The following LUZP2 variants were observed in gnomAD, a reference collection of about 807,000 sequenced individuals.
The protein encoded by LUZP2 is leucine zipper protein 2.
Under a neutral mutation model 51.6 loss-of-function variants are expected in LUZP2, and 52 were observed. That is an observed-to-expected ratio of 1.01 (90% CI 0.81 to 1.27). The LOEUF (loss-of-function observed/expected upper bound fraction) is 1.27. Ranked by LOEUF, LUZP2 falls within the 50% of genes most tolerant of loss-of-function variation. The pLI is 0.00. For synonymous variants in LUZP2, 154 were observed against 137.3 expected (o/e 1.12, Z -0.85); for missense variants, 436 against 395.4 (o/e 1.10, Z -0.87).
intron 1 of LUZP2, among the ~76,000 whole-genome samples, chr11:24,594,105 A>AC (rs1853348199): frequency 6.6e-6 from 1 of 152,242 alleles, no homozygotes; most frequent in South Asian, 2.1e-4. Flanking sequence ...TGGATTAAAA[A>AC]ATACATTTTA....
intron 9 of LUZP2, among the ~76,000 whole-genome samples, chr11:25,007,719 C>T (rs1280682568): frequency 2.0e-5 from 3 of 152,174 alleles, no homozygotes; most frequent in African/African-American, 7.2e-5. Flanking sequence ...AACTAATCCT[C>T]AAATATACCC....
chr11:24,670,477 G>A (rs942393493), intron 1 of LUZP2, among the ~76,000 whole-genome samples: 1 of 151,912 alleles, frequency 6.6e-6, no homozygotes, highest in Non-Finnish European at 1.5e-5. Context: ...TGTGAGTTTT[G>A]AACCTGTCTT....
chr11:25,030,893 A>ATATATATAATATATGTTGTAT lies in LUZP2; in HGVS notation c.766-19137_766-19136insATATATGTTGTATTATATATA, dbSNP rs756464676. 2.0e-3 allele frequency among the ~76,000 whole-genome samples: 79 copies of ATATATATAATATATGTTGTAT among 40,048 alleles called. 9 individuals carry two copies. The East Asian group carries it at 0.027, about 14-fold the overall frequency. 26.3% of individuals were successfully genotyped at this position (40,048 alleles called of 152,430 possible). A position where few individuals can be genotyped will look rare whatever the true frequency, so the allele number is the denominator to read the frequency against. On this transcript the variant is annotated intron_variant, in intron 9 of 11. Transcript: ENST00000336930. ...GTATATGTGTGTTACTATATATATTATATATATATATAATATATATTGTAT... is the reference window on the plus strand; with the variant it reads ...GTATATGTGTGTTACTATATATATTATATATATAATATATGTTGTATTATATATATATAATATATATTGTAT...
intron 1 of LUZP2, among the ~76,000 whole-genome samples, chr11:24,698,903 T>A (rs1486559040): frequency 6.6e-6 from 1 of 151,874 alleles, no homozygotes; most frequent in African/African-American, 2.4e-5. Flanking sequence ...AAAAAAAATA[T>A]AAAAATTAGC....
intron 7 of LUZP2, among the ~76,000 whole-genome samples, chr11:24,964,438 C>A (rs906832650): frequency 6.6e-6 from 1 of 152,094 alleles, no homozygotes; most frequent in Non-Finnish European, 1.5e-5. Context: ...CCCAGCCCAA[C>A]ATTAGTTAAG....
intron 1 of LUZP2, among the ~76,000 whole-genome samples, chr11:24,554,929 T>G (rs1405545014): frequency 5.3e-5 from 8 of 152,100 alleles, no homozygotes; most frequent in Non-Finnish European, 1.5e-5. Flanking sequence ...CAGTAAGATA[T>G]CAATACAATT....
intron 1 of LUZP2, among the ~76,000 whole-genome samples, chr11:24,571,181 C>T (rs556223551): frequency 7.5e-4 from 114 of 152,156 alleles, no homozygotes; most frequent in African/African-American, 2.7e-3. Flanking sequence ...GGCAGTGTTG[C>T]TGGTGATGCA....
intron 7 of LUZP2, among the ~76,000 whole-genome samples, chr11:24,922,837 C>CTTTTTTTTT (rs749672583): frequency 3.6e-4 from 17 of 47,372 alleles, no homozygotes; most frequent in African/African-American, 1.5e-3. Flanking sequence ...TTTTTTTTTT[C>CTTTTTTTTT]TTTTTTTTTT....
At chr11:25,035,522 G>GA (rs201225592) in intron 9 of LUZP2, among the ~76,000 whole-genome samples, 3 of 151,572 alleles carry the variant, frequency 2.0e-5, no homozygotes, top group Admixed American at 1.3e-4. Context: ...AAACACTGAT[G>GA]AAAAAAAACC....
At chr11:24,923,706 T>C (rs529184798) in intron 7 of LUZP2, among the ~76,000 whole-genome samples, 5 of 151,756 alleles carry the variant, frequency 3.3e-5, no homozygotes, top group Non-Finnish European at 7.4e-5. Context: ...GCTACAAACT[T>C]CCCCAGGGTG....
intron 5 of LUZP2, among the ~76,000 whole-genome samples, chr11:24,774,110 C>T: frequency 6.6e-6 from 1 of 151,698 alleles, no homozygotes; most frequent in East Asian, 1.9e-4. Flanking sequence ...TAATCAGCTG[C>T]CAGTACAGCC....
At chr11:24,772,653 TA>T (rs1284481906) in intron 5 of LUZP2, among the ~76,000 whole-genome samples, 1 of 152,142 alleles carries the variant, frequency 6.6e-6, no homozygotes, top group Non-Finnish European at 1.5e-5. Context: ...TTAAAAAGTA[TA>T]AAAAAGTATG....
chr11:24,548,446 A>G (rs1287154967), intron 1 of LUZP2, among the ~76,000 whole-genome samples: 2 of 152,098 alleles, frequency 1.3e-5, no homozygotes, highest in African/African-American at 2.4e-5. Flanking sequence ...GAATTAATGC[A>G]GGAAGAGAAA....
At chr11:24,789,216 T>A (rs1335989273) in intron 5 of LUZP2, among the ~76,000 whole-genome samples, 1 of 152,160 alleles carries the variant, frequency 6.6e-6, no homozygotes, top group Non-Finnish European at 1.5e-5. Flanking sequence ...TAAATGCTAA[T>A]CTTTGGCAGC....
At chr11:24,706,217 T>G (rs761812530) in intron 1 of LUZP2, among the ~76,000 whole-genome samples, 2 of 152,200 alleles carry the variant, frequency 1.3e-5, no homozygotes, top group Non-Finnish European at 2.9e-5. Flanking sequence ...AATTTCCATT[T>G]TTTCTCATAT....
chr11:24,806,644 G>A (rs1334401894), intron 5 of LUZP2, among the ~76,000 whole-genome samples: 1 of 152,088 alleles, frequency 6.6e-6, no homozygotes, highest in African/African-American at 2.4e-5. Flanking sequence ...ATGAGGTAAG[G>A]CAATGTGGAC....
chr11:24,506,054 A>G (rs753362923), intron 1 of LUZP2, among the ~76,000 whole-genome samples: 3 of 152,104 alleles, frequency 2.0e-5, no homozygotes, highest in Non-Finnish European at 4.4e-5. Flanking sequence ...TTAACAAGAC[A>G]ATTGACAAGT....
chr11:24,674,908 T>C (rs1432282527), intron 1 of LUZP2, among the ~76,000 whole-genome samples: 3 of 152,198 alleles, frequency 2.0e-5, no homozygotes, highest in African/African-American at 7.2e-5. Flanking sequence ...TTTTTCCCAA[T>C]GTGCAAGGAA....
chr11:24,995,668 A>T (rs1482542437), intron 9 of LUZP2, among the ~76,000 whole-genome samples: 2 of 152,044 alleles, frequency 1.3e-5, no homozygotes, highest in Non-Finnish European at 2.9e-5. Context: ...CATAGCTCAG[A>T]TAATAAATTA....
Sources: gnomAD v4.1 joint callset for allele counts (sites outside exome capture counted in the v4.1 genomes callset) on GRCh38, gnomAD v4.1.1 for gene constraint, MANE v1.5 for transcripts, NCBI Gene and HGNC (gene_info 2026-07-23, HGNC 2026-07-21) for gene names.